The following ACSS3 variants were observed in gnomAD, a reference collection of about 807,000 sequenced individuals.
ACSS3 encodes the protein acyl-CoA synthetase short chain family member 3.
ACSS3 carries 64 observed loss-of-function variants against 84.2 expected under a neutral mutation model. The observed-to-expected ratio is 0.76, with a 90% CI of 0.62 to 0.94. The LOEUF (loss-of-function observed/expected upper bound fraction) is 0.94, where lower values mean the gene tolerates loss of function less well. Ranked by LOEUF, ACSS3 falls within the 40% of genes least tolerant of loss-of-function variation. The pLI, the probability that ACSS3 is intolerant of heterozygous loss-of-function variation, is 0.00. For missense variants in ACSS3, 815 were observed against 867.6 expected, an observed-to-expected ratio of 0.94 and a Z score of 0.76; for synonymous variants, 317 against 310.1, an observed-to-expected ratio of 1.02 and a Z score of -0.23.
intron 8 of ACSS3, among the ~76,000 whole-genome samples, chr12:81,183,552 G>A (rs1441204919): frequency 6.6e-6 from 1 of 151,994 alleles, no homozygotes; most frequent in South Asian, 2.1e-4. Flanking sequence ...TCACTGAAGT[G>A]ACCCACTTAG....
At chr12:81,215,310 G>T (rs112572729) in intron 9 of ACSS3, among the ~76,000 whole-genome samples, 2 of 151,892 alleles carry the variant, frequency 1.3e-5, no homozygotes, top group Non-Finnish European at 2.9e-5. Context: ...GTCTGCTCTG[G>T]TTACTTGCCG....
intron 1 of ACSS3, among the ~76,000 whole-genome samples, chr12:81,092,590 T>A (rs1881740163): frequency 6.6e-6 from 1 of 152,090 alleles, no homozygotes; most frequent in Admixed American, 6.6e-5. Flanking sequence ...TAATTTTAAT[T>A]TTATCCCTTT....
chr12:81,100,443 A>C (rs1398767557), intron 1 of ACSS3, among the ~76,000 whole-genome samples: 1 of 152,144 alleles, frequency 6.6e-6, no homozygotes, highest in East Asian at 1.9e-4. Context: ...CTTCTTTACA[A>C]GGACATCTAA....
At chr12:81,205,947 A>T (rs1459295306) in intron 9 of ACSS3, among the ~76,000 whole-genome samples, 1 of 152,046 alleles carries the variant, frequency 6.6e-6, no homozygotes, top group Non-Finnish European at 1.5e-5. Context: ...ATACATTCCT[A>T]GGCATACCTA....
chr12:81,089,973 G>A (rs181059975), intron 1 of ACSS3, among the ~76,000 whole-genome samples: 5 of 152,104 alleles, frequency 3.3e-5, no homozygotes, highest in African/African-American at 1.2e-4. Context: ...CCTAATTTCA[G>A]TTATAAGTTG....
At chr12:81,178,646 T>C (rs1327179167) in intron 8 of ACSS3, among the ~76,000 whole-genome samples, 3 of 152,068 alleles carry the variant, frequency 2.0e-5, no homozygotes, top group Non-Finnish European at 2.9e-5. Context: ...AAATTAGTGA[T>C]GACACAAATG....
intron 1 of ACSS3, among the ~76,000 whole-genome samples, chr12:81,101,550 A>C (rs1189496600): frequency 6.6e-6 from 1 of 152,172 alleles, no homozygotes; most frequent in East Asian, 1.9e-4. Context: ...GGCTGTGTAA[A>C]AAGCTAATTT....
intron 7 of ACSS3, among the ~76,000 whole-genome samples, chr12:81,172,939 A>G (rs2030190011): frequency 6.6e-6 from 1 of 152,210 alleles, no homozygotes; most frequent in Non-Finnish European, 1.5e-5. Flanking sequence ...ATTATCCTAC[A>G]TTATTATCTC....
At chr12:81,176,388 A>G (rs147757097) in intron 8 of ACSS3, among the ~76,000 whole-genome samples, 311 of 152,034 alleles carry the variant, frequency 2.0e-3, no homozygotes, top group African/African-American at 7.2e-3. Context: ...GGCCAACATG[A>G]TGAAACCCCA....
intron 11 of ACSS3, among the ~76,000 whole-genome samples, chr12:81,222,755 T>C (rs1198684254): frequency 2.0e-5 from 3 of 151,972 alleles, no homozygotes; most frequent in South Asian, 4.1e-4. Flanking sequence ...TGACTAGAAG[T>C]TGGCCATTTT....
chr12:81,160,609 C>T (rs994488221), intron 7 of ACSS3, among the ~76,000 whole-genome samples: 9 of 152,168 alleles, frequency 5.9e-5, no homozygotes, highest in Non-Finnish European at 1.2e-4. Context: ...CACACTGTCT[C>T]AATTTTCACT....
rs139847088 is a variant in ACSS3, at chr12:81,249,897, G to T, written c.1720-3410G>T. ...TTAAAAATGTAATTGAAAAACCTGT[G>T]TAGGTCAGCTCAGTGAAATCTTAAA... On this transcript the variant is annotated intron_variant, in intron 13 of 15. Transcript: ENST00000548058. 1.6e-3 allele frequency among the ~76,000 whole-genome samples: 241 copies of T among 152,188 alleles called. 2 individuals are homozygous for T. The highest frequency in any genetic ancestry group is 5.6e-3 in the African/African-American group (233 of 41,558).
At chr12:81,204,948 G>A (rs1025302364) in intron 9 of ACSS3, among the ~76,000 whole-genome samples, 18 of 152,102 alleles carry the variant, frequency 1.2e-4, no homozygotes, top group African/African-American at 4.3e-4. Context: ...GTCATCTAAT[G>A]AACTGAGACA....
chr12:81,102,606 A>G (rs749588407), intron 1 of ACSS3, among the ~76,000 whole-genome samples: 14 of 152,104 alleles, frequency 9.2e-5, no homozygotes, highest in Admixed American at 8.5e-4. Context: ...GCAGATCACC[A>G]GGTCAAGAGA....
rs747586697 is a variant in ACSS3, at chr12:81,137,565, CAGA to C, written c.646-1559_646-1557del. Among the ~76,000 whole-genome samples the C allele has an allele frequency of 5.9e-4, 90 of 152,136 alleles. No individual in the cohort carries two copies. In the Middle Eastern group the frequency reaches 0.01, roughly 17 times the overall value. On this transcript the variant is annotated intron_variant, in intron 3 of 15. Transcript: ENST00000548058. ...GGCTAAAGAAAAAGTTTTATTTTAACAGAAGAAGATGGAAAGGATGTATTCTAA... is the reference window on the plus strand; with the variant it reads ...GGCTAAAGAAAAAGTTTTATTTTAACAGAAGATGGAAAGGATGTATTCTAA...
At chr12:81,093,719 T>C (rs1266796457) in intron 1 of ACSS3, among the ~76,000 whole-genome samples, 1 of 152,150 alleles carries the variant, frequency 6.6e-6, no homozygotes, top group Non-Finnish European at 1.5e-5. Flanking sequence ...ATAACTATAG[T>C]ACATTATTAA....
intron 2 of ACSS3, among the ~76,000 whole-genome samples, chr12:81,112,618 G>C (rs907381100): frequency 6.6e-6 from 1 of 152,132 alleles, no homozygotes; most frequent in Admixed American, 6.6e-5. Context: ...AGTACTAAAG[G>C]AAGAACTGTT....
intron 13 of ACSS3, among the ~76,000 whole-genome samples, chr12:81,250,713 G>A (rs2136013801): frequency 6.6e-6 from 1 of 152,168 alleles, no homozygotes; most frequent in East Asian, 1.9e-4. Context: ...TAGGAACTCA[G>A]GTACAGAGAG....
At chr12:81,151,264 T>A (rs1332715800) in intron 5 of ACSS3, among the ~76,000 whole-genome samples, 2 of 152,164 alleles carry the variant, frequency 1.3e-5, no homozygotes, top group Non-Finnish European at 2.9e-5. Context: ...AACCTTAGAT[T>A]CAACTCACTG....
Sources: gnomAD v4.1 joint callset for allele counts (sites outside exome capture counted in the v4.1 genomes callset) on GRCh38, gnomAD v4.1.1 for gene constraint, MANE v1.5 for transcripts, NCBI Gene and HGNC (gene_info 2026-07-23, HGNC 2026-07-21) for gene names.